The following UBTD1 variants were observed in gnomAD, a reference collection of about 807,000 sequenced individuals.
UBTD1 encodes ubiquitin domain containing 1.
UBTD1 carries 19 observed loss-of-function variants against 21.7 expected under a neutral mutation model. That is an observed-to-expected ratio of 0.87 (90% confidence interval 0.61 to 1.28). UBTD1 has a LOEUF of 1.28. UBTD1 is among the 50% of genes most tolerant of loss of function. UBTD1 has a pLI of 0.00. For missense variants in UBTD1, 282 were observed against 315.1 expected (o/e 0.89, Z 0.80); for synonymous variants, 116 against 135.1 (o/e 0.86, Z 0.98).
chr10:97,547,172 C>A (rs565155231), intron 1 of UBTD1, among the ~76,000 whole-genome samples: 2 of 152,206 alleles, frequency 1.3e-5, no homozygotes, highest in Non-Finnish European at 2.9e-5. Flanking sequence ...CTGTGCCGTT[C>A]GCTTCTAGGC....
At chr10:97,517,818 A>G (rs377607046) in intron 1 of UBTD1, among the ~76,000 whole-genome samples, 1 of 152,128 alleles carries the variant, frequency 6.6e-6, no homozygotes, top group Non-Finnish European at 1.5e-5. Context: ...GACCAACTGC[A>G]TAGGCCTAGG....
intron 1 of UBTD1, 35 bp from the exon 2 acceptor site, chr10:97,567,879 T>C (rs1258817569): frequency 1.2e-6 from 2 of 1,609,728 alleles, no homozygotes; most frequent in Non-Finnish European, 1.7e-6. Flanking sequence ...CAAGTGGCTT[T>C]AGAGATGCTG....
chr10:97,563,153 AAAG>A (rs1217672047), intron 1 of UBTD1, among the ~76,000 whole-genome samples: 3 of 152,138 alleles, frequency 2.0e-5, no homozygotes, highest in Non-Finnish European at 4.4e-5. Context: ...GGTCCAAATA[AAAG>A]AAGGAGAAAA....
intron 1 of UBTD1, among the ~76,000 whole-genome samples, chr10:97,501,990 C>T (rs748139340): frequency 2.0e-5 from 3 of 152,186 alleles, no homozygotes; most frequent in Non-Finnish European, 4.4e-5. Context: ...TTGATGTTTA[C>T]AGTCTTTTAT....
At chr10:97,526,417 G>A (rs999185918) in intron 1 of UBTD1, among the ~76,000 whole-genome samples, 5 of 152,152 alleles carry the variant, frequency 3.3e-5, no homozygotes, top group Admixed American at 1.3e-4. Context: ...TGTGACTCAA[G>A]GACTTCTCAA....
intron 1 of UBTD1, among the ~76,000 whole-genome samples, chr10:97,552,745 T>C (rs1401531647): frequency 6.6e-6 from 1 of 152,214 alleles, no homozygotes; most frequent in Non-Finnish European, 1.5e-5. Context: ...CACTGTGCGC[T>C]TGCTGTTTGA....
At chr10:97,525,373 G>A (rs530967416) in intron 1 of UBTD1, among the ~76,000 whole-genome samples, 1 of 152,238 alleles carries the variant, frequency 6.6e-6, no homozygotes, top group African/African-American at 2.4e-5. Flanking sequence ...CTGGAAAATG[G>A]AATGAAGTGC....
At chr10:97,564,714 C>T (rs766728903) in intron 1 of UBTD1, among the ~76,000 whole-genome samples, 3 of 152,186 alleles carry the variant, frequency 2.0e-5, no homozygotes, top group Non-Finnish European at 4.4e-5. Flanking sequence ...CAGGTGCCTG[C>T]TGCCACGCCC....
intron 1 of UBTD1, among the ~76,000 whole-genome samples, chr10:97,521,631 C>T (rs1365065119): frequency 6.6e-6 from 1 of 152,250 alleles, no homozygotes; most frequent in Non-Finnish European, 1.5e-5. Flanking sequence ...CTCAGGCAGG[C>T]AGGAGCAGCA....
At chr10:97,528,856 C>T (rs1272654689) in intron 1 of UBTD1, among the ~76,000 whole-genome samples, 61 of 138,414 alleles carry the variant, frequency 4.4e-4, no homozygotes, top group South Asian at 1.7e-3. Context: ...CGGGCAGAGG[C>T]GCCCCTCACC....
chr10:97,567,136 C>T (rs138308876), intron 1 of UBTD1, among the ~76,000 whole-genome samples: 3,041 of 151,646 alleles, frequency 0.02, 39 homozygotes, highest in Middle Eastern at 0.041. Context: ...AGTGGCATGA[C>T]CACAGCTCAC....
At chr10:97,547,072 C>T (rs572740817) in intron 1 of UBTD1, among the ~76,000 whole-genome samples, 9 of 152,288 alleles carry the variant, frequency 5.9e-5, no homozygotes, top group East Asian at 5.8e-4. Flanking sequence ...CTGCCATACT[C>T]GGGGGACATG....
intron 1 of UBTD1, among the ~76,000 whole-genome samples, chr10:97,565,953 A>T (rs2040715274): frequency 6.6e-6 from 1 of 152,050 alleles, no homozygotes; most frequent in South Asian, 2.1e-4. Context: ...GGCTCAAGTG[A>T]TCCATCTGCC....
intron 1 of UBTD1, among the ~76,000 whole-genome samples, chr10:97,540,811 C>T (rs2040583717): frequency 6.6e-6 from 1 of 152,204 alleles, no homozygotes; most frequent in African/African-American, 2.4e-5. Flanking sequence ...GAGCTCACAG[C>T]CTGGCATGGA....
rs187842192 is a variant in UBTD1 at position 97,564,938 on chromosome 10, T to C, written c.71-2976T>C. On this transcript the variant is annotated intron_variant, in intron 1 of 2. Coordinates refer to ENST00000370664, the MANE Select transcript of UBTD1 (RefSeq NM_024954.5). ...TTAAGATAATAACTCTTTCAACCAA[T>C]TGCCAACCAGAACATCTTTAAATCC... Among the ~76,000 whole-genome samples the C allele has an allele frequency of 1.1e-3, 165 of 152,304 alleles. 1 individual carries two copies. Among genetic ancestry groups the C allele is most frequent in the African/African-American group, 3.8e-3 (159 of 41,566 alleles).
intron 1 of UBTD1, among the ~76,000 whole-genome samples, chr10:97,540,103 G>C (rs1107518): frequency 0.3 from 45,124 of 152,092 alleles, 7,035 homozygotes; most frequent in East Asian, 0.57. Context: ...CTCTCCTCCA[G>C]AAATCTGGAT....
At chr10:97,569,538 C>T (rs1404035626) in intron 2 of UBTD1, among the ~76,000 whole-genome samples, 1 of 152,234 alleles carries the variant, frequency 6.6e-6, no homozygotes, top group Admixed American at 6.5e-5. Flanking sequence ...CTAGGGAGAT[C>T]TGACTGTGGG....
At chr10:97,551,970 G>A (rs752031940) in intron 1 of UBTD1, among the ~76,000 whole-genome samples, 2 of 151,976 alleles carry the variant, frequency 1.3e-5, no homozygotes, top group African/African-American at 2.4e-5. Flanking sequence ...GTATAGTGGC[G>A]TAATCATAGC....
intron 1 of UBTD1, among the ~76,000 whole-genome samples, chr10:97,551,214 A>C (rs1278769259): frequency 1.3e-5 from 2 of 152,064 alleles, no homozygotes; most frequent in African/African-American, 2.4e-5. Context: ...CTTTGCCTCT[A>C]TACACAGACA....
Sources: allele counts gnomAD v4.1 joint callset (sites outside exome capture counted in the v4.1 genomes callset), GRCh38; gene constraint gnomAD v4.1.1; transcripts MANE v1.5; gene names NCBI Gene and HGNC (gene_info 2026-07-23, HGNC 2026-07-21).